The following CTNND2 variants were observed in gnomAD, a reference collection of about 807,000 sequenced individuals.
The protein encoded by CTNND2 is catenin delta 2, also known as catenin delta-2.
Under a neutral mutation model 144.4 loss-of-function variants are expected in CTNND2, and 22 were observed. The observed-to-expected ratio is 0.15, with a 90% CI of 0.11 to 0.22. The LOEUF (loss-of-function observed/expected upper bound fraction) is 0.22. CTNND2 is among the 10% of genes least tolerant of loss of function. The probability of loss-of-function intolerance (pLI) is 1.00; values close to 1 mark genes in which losing one functional copy is unlikely to be tolerated. For missense variants in CTNND2, 1,353 were observed against 1,618.8 expected (o/e 0.84, Z 2.82); for synonymous variants, 751 against 695.6 (o/e 1.08, Z -1.25).
Position 11,518,999 on chromosome 5 carries a change from C to T in CTNND2, c.287+45945G>A, listed in dbSNP as rs546812327. 6.1e-5 allele frequency among the ~76,000 whole-genome samples: 9 copies of T among 148,242 alleles called. No individual in the cohort carries two copies. The South Asian group carries it at 8.4e-4, about 14-fold the overall frequency. ...TCTCCTTTTTTTCCCTATTTCCTCT[C>T]CCTATCTCAACACACACACACACAC... On this transcript the variant is annotated intron_variant, in intron 3 of 21. Transcript: ENST00000304623.
intron 9 of CTNND2, among the ~76,000 whole-genome samples, chr5:11,294,491 T>A (rs1006189033): frequency 7.2e-5 from 11 of 152,154 alleles, no homozygotes; most frequent in Non-Finnish European, 1.3e-4. Flanking sequence ...ACCATATTTG[T>A]TACCAATAAC....
At chr5:11,607,525 A>T (rs1445600084) in intron 2 of CTNND2, among the ~76,000 whole-genome samples, 1 of 152,202 alleles carries the variant, frequency 6.6e-6, no homozygotes, top group Non-Finnish European at 1.5e-5. Context: ...TCTCAAGCAC[A>T]AATTACTCAG....
chr5:11,879,339 G>GTATATATA lies in CTNND2; in HGVS notation c.37+24477_37+24478insTATATATA, dbSNP rs368634452. Among the ~76,000 whole-genome samples, 849 of 100,952 alleles carry GTATATATA rather than the reference G, an allele frequency of 8.4e-3. 50 individuals carry two copies. Among genetic ancestry groups the GTATATATA allele is most frequent in the African/African-American group, 0.023 (694 of 29,796 alleles). 66.2% of individuals were successfully genotyped at this position (100,952 alleles called of 152,430 possible). A position where few individuals can be genotyped will look rare whatever the true frequency, so the allele number is the denominator to read the frequency against. ...TCAAGTGTATTAAAAAATTAAATGT[G>GTATATATA]TGTATATATATATATATACATATAC... On this transcript the variant is annotated intron_variant, in intron 1 of 21. Transcript: ENST00000304623.
chr5:11,492,242 A>C (rs1054918087), intron 3 of CTNND2, among the ~76,000 whole-genome samples: 2 of 152,164 alleles, frequency 1.3e-5, no homozygotes, highest in Non-Finnish European at 1.5e-5. Flanking sequence ...GAAAAGGTGA[A>C]AGCATCAATC....
intron 11 of CTNND2, among the ~76,000 whole-genome samples, chr5:11,179,781 G>C (rs1276561354): frequency 6.6e-6 from 1 of 152,094 alleles, no homozygotes; most frequent in Non-Finnish European, 1.5e-5. Flanking sequence ...TATGTAATTG[G>C]CTTGGAGAAA....
At chr5:11,804,093 T>C (rs1791859432) in intron 1 of CTNND2, among the ~76,000 whole-genome samples, 1 of 152,170 alleles carries the variant, frequency 6.6e-6, no homozygotes, top group African/African-American at 2.4e-5. Context: ...GATGCACTTT[T>C]AAATACAAGT....
chr5:11,658,851 G>A (rs1460473951), intron 2 of CTNND2, among the ~76,000 whole-genome samples: 1 of 152,136 alleles, frequency 6.6e-6, no homozygotes, highest in Non-Finnish European at 1.5e-5. Flanking sequence ...TTCAATCATA[G>A]TTTTATCTAA....
At chr5:11,107,266 T>C (rs1344610705) in intron 14 of CTNND2, among the ~76,000 whole-genome samples, 1 of 152,252 alleles carries the variant, frequency 6.6e-6, no homozygotes. Flanking sequence ...AATGTATACC[T>C]AGATATTTAT....
chr5:11,389,470 C>T (rs1759421957), intron 6 of CTNND2, among the ~76,000 whole-genome samples: 1 of 147,426 alleles, frequency 6.8e-6, no homozygotes, highest in Non-Finnish European at 1.5e-5. Context: ...TATTCAGTGT[C>T]ACAATTTTTA....
intron 1 of CTNND2, among the ~76,000 whole-genome samples, chr5:11,873,077 A>C (rs1265582914): frequency 6.6e-6 from 1 of 152,204 alleles, no homozygotes; most frequent in Non-Finnish European, 1.5e-5. Flanking sequence ...ACAGAATGGG[A>C]GAAAATTTTT....
chr5:11,804,974 G>A (rs73743254), intron 1 of CTNND2, among the ~76,000 whole-genome samples: 15,119 of 152,118 alleles, frequency 0.099, 1,764 homozygotes, highest in African/African-American at 0.28. Context: ...GGAAATGAAT[G>A]GCGATTGCAA....
intron 15 of CTNND2, among the ~76,000 whole-genome samples, chr5:11,086,490 G>A (rs115377038): frequency 1.5e-3 from 232 of 152,322 alleles, no homozygotes; most frequent in African/African-American, 4.9e-3. Flanking sequence ...ACGGGACTGG[G>A]AAACAGCTGA....
At chr5:11,703,667 A>T (rs150964309) in intron 2 of CTNND2, among the ~76,000 whole-genome samples, 1 of 152,344 alleles carries the variant, frequency 6.6e-6, no homozygotes, top group East Asian at 1.9e-4. Flanking sequence ...CAGGGAGTAG[A>T]CAATTTCACA....
chr5:11,782,844 G>A (rs1029868507), intron 1 of CTNND2, among the ~76,000 whole-genome samples: 1 of 152,142 alleles, frequency 6.6e-6, no homozygotes, highest in Non-Finnish European at 1.5e-5. Flanking sequence ...TGTGATGTGA[G>A]TATTTTCAGG....
At chr5:11,805,481 A>G (rs749575222) in intron 1 of CTNND2, among the ~76,000 whole-genome samples, 2 of 152,126 alleles carry the variant, frequency 1.3e-5, no homozygotes, top group African/African-American at 2.4e-5. Flanking sequence ...ATGTAAGATG[A>G]GTTCAGAGAA....
intron 13 of CTNND2, among the ~76,000 whole-genome samples, chr5:11,116,667 G>C (rs1206151356): frequency 6.6e-6 from 1 of 152,196 alleles, no homozygotes; most frequent in African/African-American, 2.4e-5. Context: ...CATTTATTTA[G>C]CATTGTGACA....
chr5:11,345,851 C>G (rs963375662), intron 9 of CTNND2, among the ~76,000 whole-genome samples: 1 of 151,532 alleles, frequency 6.6e-6, no homozygotes, highest in Admixed American at 6.7e-5. Flanking sequence ...ATATATTATG[C>G]TCACATTTTT....
intron 12 of CTNND2, among the ~76,000 whole-genome samples, chr5:11,117,842 G>C (rs1753722953): frequency 6.6e-6 from 1 of 152,126 alleles, no homozygotes; most frequent in African/African-American, 2.4e-5. Context: ...GGAGGGTGGG[G>C]GACCTTCAGA....
intron 3 of CTNND2, among the ~76,000 whole-genome samples, chr5:11,543,985 G>A (rs922993664): frequency 1.5e-4 from 23 of 151,914 alleles, no homozygotes; most frequent in African/African-American, 5.6e-4. Flanking sequence ...ACACACATGA[G>A]AAAAAATGCC....
Sources: gnomAD v4.1 joint callset for allele counts (sites outside exome capture counted in the v4.1 genomes callset) on GRCh38, gnomAD v4.1.1 for gene constraint, MANE v1.5 for transcripts, NCBI Gene and HGNC (gene_info 2026-07-23, HGNC 2026-07-21) for gene names.